The following CD247 variants were observed in gnomAD, a reference collection of about 807,000 sequenced individuals.
CD247 encodes CD247 molecule.
CD247 carries 13 observed loss-of-function variants against 30.0 expected under a neutral mutation model. That is an observed-to-expected ratio of 0.43 (90% CI 0.28 to 0.69). The LOEUF is 0.69. Ranked by LOEUF, CD247 falls within the 30% of genes least tolerant of loss-of-function variation. CD247 has a pLI of 0.16. For synonymous variants in CD247, 72 were observed against 80.0 expected, an observed-to-expected ratio of 0.90 and a Z score of 0.53; for missense variants, 193 against 212.6, an observed-to-expected ratio of 0.91 and a Z score of 0.57.
chr1:167,512,340 T>C (rs548286286), intron 1 of CD247, among the ~76,000 whole-genome samples: 5 of 152,198 alleles, frequency 3.3e-5, no homozygotes, highest in Non-Finnish European at 5.9e-5. Flanking sequence ...TAAAAAGTAT[T>C]TGGAGAGGCA....
At chr1:167,470,521 A>G (rs1439264529) in intron 1 of CD247, among the ~76,000 whole-genome samples, 8 of 149,574 alleles carry the variant, frequency 5.3e-5, no homozygotes, top group Admixed American at 2.0e-4. Flanking sequence ...AAAAAAAAAA[A>G]AAAAAAGAAA....
At chr1:167,474,501 G>A (rs1419779094) in intron 1 of CD247, among the ~76,000 whole-genome samples, 1 of 152,068 alleles carries the variant, frequency 6.6e-6, no homozygotes, top group Non-Finnish European at 1.5e-5. Context: ...CAGGAATGAT[G>A]AGAGTCATGC....
intron 1 of CD247, among the ~76,000 whole-genome samples, chr1:167,482,963 A>G (rs2102066230): frequency 6.9e-6 from 1 of 144,358 alleles, no homozygotes; most frequent in East Asian, 2.0e-4. Flanking sequence ...CAGTAACCAC[A>G]CAAACTGGGC....
intron 1 of CD247, among the ~76,000 whole-genome samples, chr1:167,502,261 C>T (rs752980862): frequency 2.6e-5 from 4 of 152,202 alleles, no homozygotes; most frequent in African/African-American, 4.8e-5. Flanking sequence ...GTGTGGTGCA[C>T]GGCCATCAGC....
rs537935017 is a variant in CD247, at chr1:167,490,302, T to TC, written c.58+28105dup. Among the ~76,000 whole-genome samples the TC allele has an allele frequency of 1.3e-3, 197 of 152,288 alleles. 1 individual carries two copies. The highest frequency in any genetic ancestry group is 4.6e-3 in the African/African-American group (192 of 41,554). ...TTTTCTTCTCTCATTCTTTCTATCT[T>TC]CCCCTCTCTATCTCTTTCTTCCTTT... On this transcript the variant is annotated intron_variant, in intron 1 of 7. Transcript: ENST00000362089.
At chr1:167,469,627 C>CT (rs370411695) in intron 1 of CD247, among the ~76,000 whole-genome samples, 4 of 151,440 alleles carry the variant, frequency 2.6e-5, no homozygotes, top group African/African-American at 4.9e-5. Context: ...CTCCTCACCC[C>CT]TTTTTTTTTC....
intron 1 of CD247, among the ~76,000 whole-genome samples, chr1:167,483,039 G>A (rs904978385): frequency 6.6e-5 from 7 of 106,122 alleles, no homozygotes; most frequent in African/African-American, 1.7e-4. Flanking sequence ...ACTGAGTTTC[G>A]CTGTTGTTGC....
chr1:167,436,067 A>T (rs1431798322), intron 4 of CD247, among the ~76,000 whole-genome samples: 1 of 152,244 alleles, frequency 6.6e-6, no homozygotes, highest in East Asian at 1.9e-4. Flanking sequence ...CCTGTGCTTA[A>T]AAGGACCCTA....
At chr1:167,493,075 C>G (rs1654525008) in intron 1 of CD247, among the ~76,000 whole-genome samples, 1 of 115,358 alleles carries the variant, frequency 8.7e-6, no homozygotes, top group Non-Finnish European at 1.6e-5. Context: ...TGGAGTGTCA[C>G]TCTGTCGCCC....
rs5778553 is a variant in CD247 at position 167,494,041 on chromosome 1, T to TG, written c.58+24366dup. Among the ~76,000 whole-genome samples, 2,525 of 151,612 alleles carry TG rather than the reference T, an allele frequency of 0.017. 72 individuals are homozygous for TG. Among genetic ancestry groups the TG allele is most frequent in the African/African-American group, 0.058 (2,386 of 41,268 alleles). On this transcript the variant is annotated intron_variant, in intron 1 of 7. Coordinates refer to ENST00000362089, the MANE Select transcript of CD247 (RefSeq NM_198053.3). The surrounding 1 kb of genome is among the most constrained non-coding windows in gnomAD (Gnocchi z 7.3). ...CTTCTCAGGGCTCTGCTGAGTTGGG[T>TG]GGGGGAGGCTGGAGGCTGCAAAATG...
intron 1 of CD247, among the ~76,000 whole-genome samples, chr1:167,475,214 A>G (rs1653695696): frequency 6.6e-6 from 1 of 152,074 alleles, no homozygotes; most frequent in Non-Finnish European, 1.5e-5. Context: ...TATCAAACAC[A>G]CATAAGAGTG....
At position 167,438,611 on chromosome 1, in the gene CD247, C is replaced by A; in HGVS notation, c.259G>T (p.Asp87Tyr). The A allele has an allele frequency of 1.2e-6, 2 of 1,614,104 alleles. No homozygotes were observed. The highest frequency in any genetic ancestry group is 8.5e-7 in the Non-Finnish European group (1 of 1,179,966). The change falls in exon 4 of 8, where the codon GAC (aspartate) becomes TAC (tyrosine). Residue 87 changes from aspartate (D) to tyrosine (Y), a missense_variant. By Grantham distance (160) the Asp-to-Tyr change is radical. Transcript: ENST00000362089. ...LGRREEYDVLDKRRGRDPEMG... is the reference protein window; with the variant it reads ...LGRREEYDVLYKRRGRDPEMG... ...TCAGGGTCCCGGCCACGTCTCTTGT[C>A]CAAAACATCGTACTCCTCTCTTCGT...
At chr1:167,440,342 G>A in intron 2 of CD247, 1 of 404,856 alleles carries the variant, frequency 2.5e-6, no homozygotes, top group Non-Finnish European at 4.7e-6. Flanking sequence ...CACTTGGAAA[G>A]AAGGACCTCT....
intron 1 of CD247, among the ~76,000 whole-genome samples, chr1:167,514,229 C>T (rs758146979): frequency 5.3e-5 from 8 of 152,058 alleles, no homozygotes; most frequent in East Asian, 1.9e-4. Context: ...CTCCGCCTCC[C>T]GGGTTCAAGG....
intron 1 of CD247, chr1:167,459,946 C>T (rs1480728312): frequency 6.6e-6 from 1 of 152,192 alleles, no homozygotes; most frequent in Non-Finnish European, 1.5e-5. Flanking sequence ...AGCTAACCAC[C>T]ATGCAGTGGG....
Position 167,518,527 on chromosome 1 carries a change from G to T in CD247, c.-62C>A, listed in dbSNP as rs372050177. 21 of 1,461,112 alleles carry T rather than the reference G, an allele frequency of 1.4e-5. No homozygotes were observed. Among genetic ancestry groups the T allele is most frequent in the Admixed American group, 1.2e-4 (7 of 59,764 alleles). 90.5% of individuals were successfully genotyped at this position (1,461,112 alleles called of 1,614,324 possible). ...GGCTGAGGCAGCGGTGGCCGGGACG[G>T]TTAGGAGAAAAGGAGTCTCTGCTGG... On this transcript the variant is annotated 5_prime_UTR_variant, in exon 1 of 8. Coordinates refer to ENST00000362089, the MANE Select transcript of CD247 (RefSeq NM_198053.3).
chr1:167,431,831 T>G (rs1405451556), intron 7 of CD247, 85 bp from the exon 8 acceptor site: 1 of 1,152,510 alleles, frequency 8.7e-7, no homozygotes, highest in African/African-American at 1.5e-5. Context: ...CAGGTGTCTC[T>G]GCAGCACAGC....
chr1:167,510,462 G>A (rs571368939), intron 1 of CD247, among the ~76,000 whole-genome samples: 1 of 152,324 alleles, frequency 6.6e-6, no homozygotes, highest in Admixed American at 6.5e-5. Flanking sequence ...CTTGGGCTCA[G>A]GCTTTTCACG....
At chr1:167,474,913 C>T (rs1229960295) in intron 1 of CD247, among the ~76,000 whole-genome samples, 3 of 151,740 alleles carry the variant, frequency 2.0e-5, no homozygotes, top group African/African-American at 4.8e-5. Context: ...CCACCATGCC[C>T]GGGTAATTTT....
Sources: allele counts gnomAD v4.1 joint callset (sites outside exome capture counted in the v4.1 genomes callset), GRCh38; gene constraint gnomAD v4.1.1; non-coding constraint Gnocchi (gnomAD v3.1); transcripts MANE v1.5; gene names NCBI Gene and HGNC (gene_info 2026-07-23, HGNC 2026-07-21).